The following PTPRG variants were observed in gnomAD, a reference collection of about 807,000 sequenced individuals.
PTPRG encodes the protein protein tyrosine phosphatase receptor type G.
A neutral mutation model predicts 165.3 loss-of-function variants in PTPRG; 102 were observed. That is an observed-to-expected ratio of 0.62 (90% confidence interval 0.53 to 0.73). The LOEUF (loss-of-function observed/expected upper bound fraction) is 0.73, where lower values mean the gene tolerates loss of function less well. Ranked by LOEUF, PTPRG falls within the 30% of genes least tolerant of loss-of-function variation. PTPRG has a pLI of 0.00. For missense variants in PTPRG, 1,866 were observed against 1,861.4 expected, an observed-to-expected ratio of 1.00 and a Z score of -0.05; for synonymous variants, 675 against 669.5, an observed-to-expected ratio of 1.01 and a Z score of -0.13.
chr3:61,659,855 T>G (rs1009227486), intron 1 of PTPRG, among the ~76,000 whole-genome samples: 2 of 152,006 alleles, frequency 1.3e-5, no homozygotes, highest in Middle Eastern at 3.4e-3. Context: ...AAATGAATGG[T>G]TTTTTTTAAA....
At chr3:62,284,699 C>G (rs554190551) in intron 28 of PTPRG, among the ~76,000 whole-genome samples, 3 of 152,214 alleles carry the variant, frequency 2.0e-5, no homozygotes, top group South Asian at 4.1e-4. Flanking sequence ...TAAAACCAAA[C>G]TCATCTTCAC....
intron 8 of PTPRG, among the ~76,000 whole-genome samples, chr3:62,184,697 G>T (rs953908950): frequency 2.6e-5 from 4 of 152,268 alleles, no homozygotes; most frequent in Non-Finnish European, 5.9e-5. Flanking sequence ...AAGCCAAGCT[G>T]TTCCCTCTGA....
intron 5 of PTPRG, among the ~76,000 whole-genome samples, chr3:62,086,492 T>C (rs1701757727): frequency 6.6e-6 from 1 of 152,184 alleles, no homozygotes; most frequent in Non-Finnish European, 1.5e-5. Flanking sequence ...AACTTCCTTC[T>C]TAGACTGCTT....
At chr3:62,114,229 G>T (rs776423017) in intron 5 of PTPRG, among the ~76,000 whole-genome samples, 2 of 152,108 alleles carry the variant, frequency 1.3e-5, no homozygotes, top group South Asian at 4.1e-4. Context: ...AACTTGGGAG[G>T]CGGAGGTTGT....
chr3:62,026,253 C>A (rs2041800912), intron 4 of PTPRG, among the ~76,000 whole-genome samples: 1 of 152,184 alleles, frequency 6.6e-6, no homozygotes. Flanking sequence ...TTCTTGGTTA[C>A]AGAGGTCTTA....
intron 2 of PTPRG, among the ~76,000 whole-genome samples, chr3:61,861,223 C>G (rs2037261956): frequency 6.6e-6 from 1 of 152,148 alleles, no homozygotes. Flanking sequence ...ATGATAGTTT[C>G]AGTCACACAA....
At chr3:61,798,900 G>A (rs1575672532) in intron 2 of PTPRG, among the ~76,000 whole-genome samples, 2 of 152,240 alleles carry the variant, frequency 1.3e-5, no homozygotes, top group African/African-American at 2.4e-5. Flanking sequence ...ATGGGGTAGA[G>A]CTGTGCGGTA....
At chr3:61,914,468 G>A (rs1163307168) in intron 2 of PTPRG, among the ~76,000 whole-genome samples, 6 of 152,204 alleles carry the variant, frequency 3.9e-5, no homozygotes, top group East Asian at 1.9e-4. Flanking sequence ...CATTGACTGC[G>A]TCTCTTTCCT....
chr3:62,182,699 C>T (rs911723833), intron 8 of PTPRG, among the ~76,000 whole-genome samples: 10 of 152,204 alleles, frequency 6.6e-5, no homozygotes, highest in African/African-American at 1.4e-4. Flanking sequence ...CTCGCTCTGT[C>T]GCCAGGCTGG....
At chr3:61,996,459 T>C (rs374137116) in intron 3 of PTPRG, among the ~76,000 whole-genome samples, 1 of 152,198 alleles carries the variant, frequency 6.6e-6, no homozygotes, top group Non-Finnish European at 1.5e-5. Flanking sequence ...TTTATGGCAC[T>C]GATGAATAGG....
chr3:61,630,512 T>C (rs1701744997), intron 1 of PTPRG, among the ~76,000 whole-genome samples: 2 of 151,922 alleles, frequency 1.3e-5, no homozygotes, highest in African/African-American at 4.8e-5. Context: ...TCTCCTGTCT[T>C]CCTCTCTGAT....
intron 2 of PTPRG, among the ~76,000 whole-genome samples, chr3:61,886,854 G>A (rs905791889): frequency 1.3e-5 from 2 of 150,680 alleles, no homozygotes; most frequent in Non-Finnish European, 2.9e-5. Context: ...TTGCTTCATA[G>A]ACTCTCTGTA....
At chr3:61,784,361 G>C (rs1292297294) in intron 2 of PTPRG, among the ~76,000 whole-genome samples, 1 of 152,132 alleles carries the variant, frequency 6.6e-6, no homozygotes, top group African/African-American at 2.4e-5. Flanking sequence ...ATTTTTTTCA[G>C]ATACTTATTT....
chr3:62,099,780 T>A (rs1416425554), intron 5 of PTPRG, among the ~76,000 whole-genome samples: 1 of 149,584 alleles, frequency 6.7e-6, no homozygotes, highest in African/African-American at 2.5e-5. Flanking sequence ...GTCATAGTAC[T>A]TAAGTGTTAA....
intron 2 of PTPRG, among the ~76,000 whole-genome samples, chr3:61,785,940 C>G (rs1011880650): frequency 1.3e-5 from 2 of 152,148 alleles, no homozygotes; most frequent in African/African-American, 4.8e-5. Flanking sequence ...GATTCCTATA[C>G]TTCCCTGGGC....
At chr3:62,112,956 C>T (rs1390188029) in intron 5 of PTPRG, among the ~76,000 whole-genome samples, 1 of 152,110 alleles carries the variant, frequency 6.6e-6, no homozygotes, top group Non-Finnish European at 1.5e-5. Context: ...TTTCACCTTT[C>T]GGAGCAGACC....
At position 62,123,469 on chromosome 3, in the gene PTPRG, A is replaced by G. The variant is rs6766255; in HGVS notation, c.616-9133A>G. Among the ~76,000 whole-genome samples, 358 of 152,280 alleles carry G rather than the reference A, an allele frequency of 2.4e-3. 1 individual carries two copies. The highest frequency in any genetic ancestry group is 8.3e-3 in the African/African-American group (344 of 41,548). ...TATTATAATCTTATACAGTCTACAT[A>G]AATTTGAACTTGTATTTATTTGGGT... is the stretch of plus-strand genomic sequence containing the variant. On this transcript the variant is annotated intron_variant, in intron 5 of 29. Coordinates refer to ENST00000474889, the MANE Select transcript of PTPRG (RefSeq NM_002841.4).
chr3:61,989,912 TG>T, intron 3 of PTPRG, 108 bp downstream of exon 3: 1 of 1,230,084 alleles, frequency 8.1e-7, no homozygotes, highest in Non-Finnish European at 1.1e-6. Flanking sequence ...CACATTGCTG[TG>T]GGGAGCCTAA....
At chr3:61,722,257 G>C (rs188724662) in intron 1 of PTPRG, among the ~76,000 whole-genome samples, 179 of 151,076 alleles carry the variant, frequency 1.2e-3, no homozygotes, top group African/African-American at 4.1e-3. Flanking sequence ...GCACAAAAGA[G>C]GGCCAAACTA....
Sources: allele counts gnomAD v4.1 joint callset (sites outside exome capture counted in the v4.1 genomes callset), GRCh38; gene constraint gnomAD v4.1.1; transcripts MANE v1.5; gene names NCBI Gene and HGNC (gene_info 2026-07-23, HGNC 2026-07-21).